PCDHGB2: variants seen among roughly 807,000 people sequenced by gnomAD.
PCDHGB2 encodes the protein protocadherin gamma subfamily B, 2, also known as protocadherin gamma-B2.
PCDHGB2 carries 55 observed loss-of-function variants against 59.3 expected under a neutral mutation model. That is an observed-to-expected ratio of 0.93 (90% CI 0.75 to 1.16). The LOEUF is 1.16. Among genes scored for constraint, PCDHGB2 ranks in the 50% most tolerant of loss-of-function variants. The probability of loss-of-function intolerance (pLI) is 0.00; values close to 1 mark genes in which losing one functional copy is unlikely to be tolerated. For missense variants in PCDHGB2, 1,228 were observed against 1,198.5 expected (o/e 1.02, Z -0.36); for synonymous variants, 516 against 512.0 (o/e 1.01, Z -0.11).
Position 141,489,368 on chromosome 5 carries a change from C to T in PCDHGB2, c.2422-5439C>T, listed in dbSNP as rs889945954. The T allele has an allele frequency of 1.2e-5, 20 of 1,613,264 alleles. No homozygotes were observed. The highest frequency in any genetic ancestry group is 1.6e-5 in the Non-Finnish European group (19 of 1,179,484). On this transcript the variant is annotated intron_variant, in intron 1 of 3. Transcript: ENST00000522605. The surrounding 1 kb of genome is among the most constrained non-coding windows in gnomAD (Gnocchi z 4.5). The stretch of plus-strand genomic sequence containing the variant: ...GTGGTGGAGGAGTCTGAGCCGGGGA[C>T]GCTGGTGGGGAATGTTGCTCAGGAT...
chr5:141,372,057 C>T (rs1228775419), intron 1 of PCDHGB2: 3 of 1,613,552 alleles, frequency 1.9e-6, no homozygotes, highest in African/African-American at 2.7e-5. Context: ...GGTGGACGAC[C>T]GCAACGACAA....
At chr5:141,405,672 G>C (rs755545370) in intron 1 of PCDHGB2, among the ~76,000 whole-genome samples, 3 of 152,024 alleles carry the variant, frequency 2.0e-5, no homozygotes, top group Non-Finnish European at 4.4e-5. Flanking sequence ...GAGACGGGGT[G>C]TCACCATGTT....
intron 1 of PCDHGB2, among the ~76,000 whole-genome samples, chr5:141,401,638 TA>T (rs2094176765): frequency 1.3e-5 from 2 of 152,242 alleles, no homozygotes; most frequent in South Asian, 4.1e-4. Context: ...TTTGGAGCTT[TA>T]AATATAAATG....
intron 1 of PCDHGB2, among the ~76,000 whole-genome samples, chr5:141,458,876 G>T (rs187470646): frequency 5.0e-4 from 76 of 152,248 alleles, no homozygotes; most frequent in African/African-American, 1.7e-3. Context: ...GGGACTACAG[G>T]CATGCACACC....
At chr5:141,374,761 C>T in intron 1 of PCDHGB2, 1 of 1,613,458 alleles carries the variant, frequency 6.2e-7, no homozygotes, top group African/African-American at 1.3e-5. Context: ...CAAGCGTCGC[C>T]CAAATTCTGG....
At chr5:141,403,891 A>T (rs779525294) in intron 1 of PCDHGB2, 17 of 1,613,752 alleles carry the variant, frequency 1.1e-5, no homozygotes, top group Admixed American at 1.0e-4. Flanking sequence ...AAGAATGTTC[A>T]TTTTATGAAA....
chr5:141,427,377 A>C, intron 1 of PCDHGB2: 1 of 458,500 alleles, frequency 2.2e-6, no homozygotes, highest in Non-Finnish European at 4.4e-6. Flanking sequence ...GACGGTGATC[A>C]CTCTGTTCAA....
chr5:141,390,052 G>C (rs2092030783), intron 1 of PCDHGB2: 1 of 1,613,960 alleles, frequency 6.2e-7, no homozygotes, highest in Non-Finnish European at 8.5e-7. Context: ...GCCTCCTGGA[G>C]CTGCTTCCAG....
At chr5:141,433,358 CCTATCTATCTATCTATCTAT>C (rs3074541) in intron 1 of PCDHGB2, 19 of 503,934 alleles carry the variant, frequency 3.8e-5, no homozygotes, top group South Asian at 2.3e-4. Flanking sequence ...CTACTGTCTG[CCTATCTATCTATCTATCTAT>C]CTATCTATCT....
At position 141,476,124 on chromosome 5, in the gene PCDHGB2, C is replaced by T. The variant is rs1187643558; in HGVS notation, c.2422-18683C>T. 4 of 1,603,236 alleles carry T rather than the reference C, an allele frequency of 2.5e-6. No homozygotes were observed. Among genetic ancestry groups the T allele is most frequent in the Non-Finnish European group, 3.4e-6 (4 of 1,176,388 alleles). ...GAACTGCTTTTGAGTGAGATGGTCCCAGAGGCCTGGAGGAGCGGACTGGTA... is the reference window on the plus strand; with the variant it reads ...GAACTGCTTTTGAGTGAGATGGTCCTAGAGGCCTGGAGGAGCGGACTGGTA... On this transcript the variant is annotated intron_variant, in intron 1 of 3. Transcript: ENST00000522605. This position sits in a 1 kb window ranked among gnomAD's most constrained non-coding sequence, Gnocchi z 7.6.
At chr5:141,396,813 T>A (rs1031435038) in intron 1 of PCDHGB2, among the ~76,000 whole-genome samples, 3 of 152,240 alleles carry the variant, frequency 2.0e-5, no homozygotes, top group Admixed American at 6.5e-5. Context: ...AGTGTTCTAC[T>A]GTATGGTGCA....
chr5:141,410,435 G>A (rs772158163), intron 1 of PCDHGB2: 1 of 1,614,054 alleles, frequency 6.2e-7, no homozygotes, highest in Non-Finnish European at 8.5e-7. Context: ...CAACTACAGT[G>A]AGGGGACTTT....
At chr5:141,381,826 C>CTTTTTTTTTTTTTTTTTTTTTTTTTTT (rs770630741) in intron 1 of PCDHGB2, among the ~76,000 whole-genome samples, 2 of 74,278 alleles carry the variant, frequency 2.7e-5, no homozygotes, top group African/African-American at 6.2e-5. Flanking sequence ...CTTTCTTCTT[C>CTTTTTTTTTTTTTTTTTTTTTTTTTTT]TTTTTTTTTT....
At chr5:141,449,101 G>A (rs1020443363) in intron 1 of PCDHGB2, among the ~76,000 whole-genome samples, 2 of 152,144 alleles carry the variant, frequency 1.3e-5, no homozygotes, top group African/African-American at 2.4e-5. Flanking sequence ...TACATATGCA[G>A]TATATCTTTG....
chr5:141,438,063 A>T (rs540817874), intron 1 of PCDHGB2, among the ~76,000 whole-genome samples: 1 of 152,106 alleles, frequency 6.6e-6, no homozygotes, highest in Non-Finnish European at 1.5e-5. Context: ...CTTTTAAGAA[A>T]CCATACTTAA....
rs1167812243 is a variant in PCDHGB2, at chr5:141,414,179, C to T, written c.2421+51623C>T. ...GATGGAGGAGCATATCTTGCAACTG[C>T]AAAAGTGTTGATTACAGTAGAAGAT... On this transcript the variant is annotated intron_variant, in intron 1 of 3. Transcript: ENST00000522605. 3 of 1,608,128 alleles carry T rather than the reference C, an allele frequency of 1.9e-6. No individual in the cohort carries two copies. In the South Asian group the frequency reaches 3.3e-5, roughly 18 times the overall value.
At chr5:141,371,946 C>T (rs200127619) in intron 1 of PCDHGB2, 98 of 1,613,142 alleles carry the variant, frequency 6.1e-5, no homozygotes, top group East Asian at 3.6e-4. Context: ...GTTCGCGCAG[C>T]GAGCCTTCGA....
chr5:141,372,076 T>C (rs1768385368), intron 1 of PCDHGB2: 4 of 1,613,690 alleles, frequency 2.5e-6, no homozygotes, highest in Non-Finnish European at 2.5e-6. Context: ...AATGCACCGC[T>C]GGTGCTGTAC....
chr5:141,507,559 G>T (rs542787142), intron 3 of PCDHGB2, among the ~76,000 whole-genome samples: 1 of 152,368 alleles, frequency 6.6e-6, no homozygotes, highest in African/African-American at 2.4e-5. Flanking sequence ...GTGGCAGGCG[G>T]CTGGGTCTGA....
Sources: gnomAD v4.1 joint callset for allele counts (sites outside exome capture counted in the v4.1 genomes callset) on GRCh38, gnomAD v4.1.1 for gene constraint, Gnocchi (gnomAD v3.1) non-coding constraint, MANE v1.5 for transcripts, NCBI Gene and HGNC (gene_info 2026-07-23, HGNC 2026-07-21) for gene names.